The following MLPH variants were observed in gnomAD, a reference collection of about 807,000 sequenced individuals.
MLPH encodes melanophilin.
A neutral mutation model predicts 72.1 loss-of-function variants in MLPH; 51 were observed. The ratio of observed to expected loss-of-function variants is 0.71; its 90% CI spans 0.56 to 0.89. The LOEUF (loss-of-function observed/expected upper bound fraction) is 0.89. Among genes scored for constraint, MLPH ranks in the 40% least tolerant of loss-of-function variants. The pLI, the probability that MLPH is intolerant of heterozygous loss-of-function variation, is 0.00. For synonymous variants in MLPH, 301 were observed against 310.1 expected, an observed-to-expected ratio of 0.97 and a Z score of 0.31; for missense variants, 743 against 759.9, an observed-to-expected ratio of 0.98 and a Z score of 0.26.
rs541339761 is a variant in MLPH, at chr2:237,519,013, A to G, written c.555+365A>G. On this transcript the variant is annotated intron_variant, in intron 5 of 15. Transcript: ENST00000264605. ...GGTCCTGAGAGCAGCTGCCTTTGCAACTTTCAGAGAAGTGGACCCCTCAGG... is the reference window on the plus strand; with the variant it reads ...GGTCCTGAGAGCAGCTGCCTTTGCAGCTTTCAGAGAAGTGGACCCCTCAGG... 7.9e-5 allele frequency among the ~76,000 whole-genome samples: 12 copies of G among 152,214 alleles called. No individual in the cohort carries two copies. In the East Asian group the frequency reaches 2.3e-3, roughly 29 times the overall value.
At position 237,553,609 on chromosome 2, in the gene MLPH, G is replaced by T. The variant is rs1020627563; in HGVS notation, c.*17G>T. On this transcript the variant is annotated 3_prime_UTR_variant, in exon 16 of 16. Coordinates refer to ENST00000264605, the MANE Select transcript of MLPH (RefSeq NM_024101.7). ...CAGTCCTAACGGGACAGGACAGAGA[G>T]ACAGAGCAGCCCTGCACTGTTTTCC... The T allele has an allele frequency of 4.3e-6, 7 of 1,614,242 alleles. No individual in the cohort carries two copies. The Admixed American group carries it at 1.0e-4, about 23-fold the overall frequency.
intron 10 of MLPH, 132 bp downstream of exon 10, chr2:237,540,665 C>CTT: frequency 6.7e-7 from 1 of 1,496,858 alleles, no homozygotes; most frequent in Non-Finnish European, 9.1e-7. Context: ...TTGATGGGGT[C>CTT]TGCAGCGGGT....
intron 9 of MLPH, among the ~76,000 whole-genome samples, chr2:237,538,488 G>A (rs1275283852): frequency 1.3e-5 from 2 of 152,198 alleles, no homozygotes; most frequent in African/African-American, 2.4e-5. Flanking sequence ...AAAATCTCTC[G>A]GGTAACCAGG....
At chr2:237,552,910 G>A (rs1239395598) in intron 15 of MLPH, among the ~76,000 whole-genome samples, 2 of 152,224 alleles carry the variant, frequency 1.3e-5, no homozygotes, top group African/African-American at 4.8e-5. Context: ...CCATGTGTAT[G>A]TACCTGCATA....
rs1360783727 is a variant in MLPH at position 237,552,282 on chromosome 2, T to C, written c.1676-55T>C. 2.6e-6 allele frequency: 4 copies of C among 1,511,122 alleles called. No homozygotes were observed. The Admixed American group carries it at 5.0e-5, about 19-fold the overall frequency. The allele number at this position is 1,511,122 out of a possible 1,614,324, so 93.6% of individuals were successfully genotyped here. A position where few individuals can be genotyped will look rare whatever the true frequency, so the allele number is the denominator to read the frequency against. ...TTTCTGAGGAGGCCAAGGCACTTGT[T>C]TGGGCTAAGTATGTGATTGATAAAG... On this transcript the variant is annotated intron_variant, in intron 14 of 15. Coordinates refer to ENST00000264605, the MANE Select transcript of MLPH (RefSeq NM_024101.7).
At chr2:237,549,121 G>A (rs2080980855) in intron 13 of MLPH, 100 bp from the exon 14 acceptor site, 1 of 1,071,344 alleles carries the variant, frequency 9.3e-7, no homozygotes, top group Non-Finnish European at 1.4e-6. Context: ...AGTGGCCATG[G>A]TTAATTAGAA....
At chr2:237,525,846 T>C (rs1462400478) in intron 7 of MLPH, 41 bp downstream of exon 7, 3 of 1,585,856 alleles carry the variant, frequency 1.9e-6, no homozygotes, top group African/African-American at 2.7e-5. Context: ...GGGCTCGGCA[T>C]GGGGGAGCAG....
rs566116438 is a variant in MLPH at position 237,519,535 on chromosome 2, C to T, written c.556-375C>T. Among the ~76,000 whole-genome samples, 50 of 152,338 alleles carry T rather than the reference C, an allele frequency of 3.3e-4. No homozygotes were observed. The South Asian group carries it at 4.6e-3, about 14-fold the overall frequency. On this transcript the variant is annotated intron_variant, in intron 5 of 15. Coordinates refer to ENST00000264605, the MANE Select transcript of MLPH (RefSeq NM_024101.7). ...GCCCACCTCTGTCTCACTCAGCCAT[C>T]GTGCCCCGGCTATCCGAAGCCCCAG...
At chr2:237,504,982 C>T (rs930867053) in intron 2 of MLPH, among the ~76,000 whole-genome samples, 1 of 152,214 alleles carries the variant, frequency 6.6e-6, no homozygotes, top group Non-Finnish European at 1.5e-5. Flanking sequence ...TTCAGATCTC[C>T]CAGACTCTGC....
At chr2:237,491,723 A>G (rs1017339319) in intron 1 of MLPH, among the ~76,000 whole-genome samples, 20 of 152,192 alleles carry the variant, frequency 1.3e-4, no homozygotes, top group Non-Finnish European at 4.4e-5. Context: ...TCTCCCTGGT[A>G]CAATTGTTCC....
At chr2:237,518,861 A>T (rs893700317) in intron 5 of MLPH, among the ~76,000 whole-genome samples, 2 of 152,202 alleles carry the variant, frequency 1.3e-5, no homozygotes, top group African/African-American at 4.8e-5. Context: ...CACCATCAGA[A>T]ACCTCAAAAG....
At chr2:237,507,930 C>T (rs1354974705) in intron 2 of MLPH, among the ~76,000 whole-genome samples, 3 of 152,004 alleles carry the variant, frequency 2.0e-5, no homozygotes, top group Non-Finnish European at 2.9e-5. Context: ...GAACAATTGC[C>T]CAATCCTTTT....
At chr2:237,524,419 T>C (rs1336077148) in intron 6 of MLPH, among the ~76,000 whole-genome samples, 1 of 151,528 alleles carries the variant, frequency 6.6e-6, no homozygotes, top group Admixed American at 6.6e-5. Context: ...AGTCCCAAAC[T>C]GAAGAACTTG....
rs1033573975 is a variant in MLPH, at chr2:237,525,644, A to G, written c.719A>G (p.Lys240Arg). The G allele has an allele frequency of 6.2e-7, 1 of 1,613,982 alleles. No homozygotes were observed. The highest frequency in any genetic ancestry group is 1.3e-5 in the African/African-American group (1 of 74,900). ...ESCSEKAAPH[K>R]AEGLEEADTG... ...TGCTCAGAGAAGGCAGCCCCTCACAAGGCTGAGGGCCTGGAGGAGGCTGAT... is the reference window on the plus strand; with the variant it reads ...TGCTCAGAGAAGGCAGCCCCTCACAGGGCTGAGGGCCTGGAGGAGGCTGAT... Residue 240 changes from lysine (K) to arginine (R), a missense_variant, in exon 7 of 16, where the codon AAG (lysine) becomes AGG (arginine). Lys to Arg is a conservative substitution (Grantham distance 26). Transcript: ENST00000264605.
intron 6 of MLPH, among the ~76,000 whole-genome samples, chr2:237,521,857 T>C (rs2080191588): frequency 7.1e-6 from 1 of 140,306 alleles, no homozygotes; most frequent in African/African-American, 2.9e-5. Context: ...GCTACAACTA[T>C]AGTGCTGGAG....
rs1236426182 is a variant in MLPH, at chr2:237,525,604, C to G, written c.679C>G (p.Leu227Val). Reference sequence around the variant, plus strand: ...GCTGACAGCCCCATGTGCTTAGTCCCTCACAGATGAGTCCTGCTCAGAGAA... The same window carrying G: ...GCTGACAGCCCCATGTGCTTAGTCCGTCACAGATGAGTCCTGCTCAGAGAA... ...VPEARDSPQS[L>V]TDESCSEKAA... The change falls in exon 7 of 16, where the codon CTC becomes GTC. Residue 227 changes from leucine to valine, a missense_variant. Leu to Val is a conservative substitution (Grantham distance 32, BLOSUM62 1). Coordinates refer to ENST00000264605, the MANE Select transcript of MLPH (RefSeq NM_024101.7). 4.3e-6 allele frequency: 7 copies of G among 1,614,126 alleles called. No homozygotes were observed. The highest frequency in any genetic ancestry group is 2.2e-5 in the South Asian group (2 of 91,080).
intron 12 of MLPH, among the ~76,000 whole-genome samples, chr2:237,543,103 G>A (rs1376581837): frequency 1.5e-3 from 107 of 70,620 alleles, no homozygotes; most frequent in African/African-American, 6.8e-3. Context: ...TGGGGACAGT[G>A]GTGAGTGGGG....
intron 4 of MLPH, among the ~76,000 whole-genome samples, chr2:237,516,599 GTTGGTAACATTGA>G: frequency 6.6e-6 from 1 of 152,366 alleles, no homozygotes; most frequent in Non-Finnish European, 1.5e-5. Context: ...GGTCAGACCT[GTTGGTAACATTGA>G]TTGGTAACAT....
At chr2:237,495,511 G>A (rs1342290740) in intron 2 of MLPH, among the ~76,000 whole-genome samples, 1 of 152,244 alleles carries the variant, frequency 6.6e-6, no homozygotes, top group Non-Finnish European at 1.5e-5. Context: ...CAAGAAAGGA[G>A]AGAGAAGGAG....
Sources: gnomAD v4.1 joint callset for allele counts (sites outside exome capture counted in the v4.1 genomes callset) on GRCh38, gnomAD v4.1.1 for gene constraint, MANE v1.5 for transcripts, NCBI Gene and HGNC (gene_info 2026-07-23, HGNC 2026-07-21) for gene names.